Variants in KCNH5 observed in about 807,000 individuals in gnomAD.
The protein encoded by KCNH5 is potassium voltage-gated channel subfamily H member 5.
KCNH5 carries 46 observed loss-of-function variants against 96.1 expected under a neutral mutation model. The observed-to-expected ratio is 0.48, with a 90% CI of 0.38 to 0.61. The LOEUF is 0.61. Among genes scored for constraint, KCNH5 ranks in the 20% least tolerant of loss-of-function variants. The probability of loss-of-function intolerance (pLI) is 0.00; values close to 1 mark genes in which losing one functional copy is unlikely to be tolerated. For synonymous variants in KCNH5, 439 were observed against 449.8 expected, an observed-to-expected ratio of 0.98 and a Z score of 0.30; for missense variants, 907 against 1,225.8, an observed-to-expected ratio of 0.74 and a Z score of 3.88.
At chr14:62,896,607 A>G (rs1888818605) in intron 7 of KCNH5, among the ~76,000 whole-genome samples, 1 of 152,222 alleles carries the variant, frequency 6.6e-6, no homozygotes, top group Non-Finnish European at 1.5e-5. Context: ...TTGTCCATCC[A>G]GCAACAGAAT....
At chr14:62,922,079 T>C (rs1167354178) in intron 7 of KCNH5, among the ~76,000 whole-genome samples, 1 of 152,122 alleles carries the variant, frequency 6.6e-6, no homozygotes, top group Non-Finnish European at 1.5e-5. Flanking sequence ...ATAATGCAAA[T>C]GATATACATT....
At position 62,704,265 on chromosome 14, in the gene KCNH5, C is replaced by A. The variant is rs1029275425; in HGVS notation, c.*3243G>T. 6.6e-6 allele frequency: 1 copy of A among 151,816 alleles called. No individual in the cohort carries two copies. Among genetic ancestry groups the A allele is most frequent in the Non-Finnish European group, 1.5e-5 (1 of 67,782 alleles). 9.4% of individuals were successfully genotyped at this position (151,816 alleles called of 1,614,324 possible). ...GACATTTTTAGTCCTATACTTAATG[C>A]AAGATGCAACTAGTGTCATAAAAAT... is the stretch of plus-strand genomic sequence containing the variant. On this transcript the variant is annotated 3_prime_UTR_variant, in exon 11 of 11. Coordinates refer to ENST00000322893, the MANE Select transcript of KCNH5 (RefSeq NM_139318.5).
At chr14:62,821,236 A>C (rs1315074117) in intron 8 of KCNH5, among the ~76,000 whole-genome samples, 1 of 152,170 alleles carries the variant, frequency 6.6e-6, no homozygotes, top group East Asian at 1.9e-4. Context: ...TAACAGGTAC[A>C]TGATAATGAT....
chr14:62,977,546 C>T (rs890328955), intron 6 of KCNH5, among the ~76,000 whole-genome samples: 1 of 151,904 alleles, frequency 6.6e-6, no homozygotes, highest in Non-Finnish European at 1.5e-5. Flanking sequence ...AATTGACAAA[C>T]CAAGAGGTAG....
chr14:62,726,688 CTT>C (rs1473683612), intron 10 of KCNH5, among the ~76,000 whole-genome samples: 1 of 152,024 alleles, frequency 6.6e-6, no homozygotes, highest in Non-Finnish European at 1.5e-5. Flanking sequence ...TGGAAAACTG[CTT>C]GATGAGTATC....
intron 7 of KCNH5, among the ~76,000 whole-genome samples, chr14:62,927,176 A>T (rs769129245): frequency 5.3e-5 from 8 of 152,150 alleles, no homozygotes; most frequent in Non-Finnish European, 1.2e-4. Context: ...AGGGAAATGC[A>T]AATCAAAACT....
intron 10 of KCNH5, among the ~76,000 whole-genome samples, chr14:62,742,650 A>C (rs533532072): frequency 6.6e-6 from 1 of 152,320 alleles, no homozygotes; most frequent in Admixed American, 6.5e-5. Flanking sequence ...CATCATATAC[A>C]TTTATTTACA....
chr14:63,030,922 G>A (rs1401885300), intron 1 of KCNH5, among the ~76,000 whole-genome samples: 1 of 152,166 alleles, frequency 6.6e-6, no homozygotes, highest in East Asian at 1.9e-4. Flanking sequence ...GCTACTCAAA[G>A]TATGGGCCAG....
chr14:62,804,837 C>G (rs552573097), intron 8 of KCNH5, among the ~76,000 whole-genome samples: 25 of 152,136 alleles, frequency 1.6e-4, no homozygotes, highest in Non-Finnish European at 2.4e-4. Flanking sequence ...GAAATACTAG[C>G]TCTTATCATC....
At chr14:62,853,786 A>G (rs1289947222) in intron 7 of KCNH5, among the ~76,000 whole-genome samples, 1 of 151,670 alleles carries the variant, frequency 6.6e-6, no homozygotes, top group East Asian at 1.9e-4. Context: ...AAGGCAGGCG[A>G]TCACAAGGTC....
In KCNH5 at chr14:62,757,686, C is replaced by T. The variant is rs146046957; in HGVS notation, c.2019+22042G>A. On this transcript the variant is annotated intron_variant, in intron 10 of 10. Transcript: ENST00000322893. ...GATAGAAGAGGAACTCATTATGTTA[C>T]GTGAAATAAGCCAGTCATAGAAAGA... is the stretch of plus-strand genomic sequence containing the variant. 7.5e-3 allele frequency among the ~76,000 whole-genome samples: 1,135 copies of T among 150,664 alleles called. 15 individuals are homozygous for T. Among genetic ancestry groups the T allele is most frequent in the African/African-American group, 0.026 (1,049 of 41,076 alleles).
intron 8 of KCNH5, among the ~76,000 whole-genome samples, chr14:62,823,506 T>C (rs1416191670): frequency 6.6e-6 from 1 of 151,984 alleles, no homozygotes; most frequent in Non-Finnish European, 1.5e-5. Flanking sequence ...ACAGTCTCTG[T>C]TAGCAGCAGT....
intron 8 of KCNH5, among the ~76,000 whole-genome samples, chr14:62,832,237 C>G (rs1468269660): frequency 6.6e-6 from 1 of 152,144 alleles, no homozygotes; most frequent in East Asian, 1.9e-4. Context: ...CAGCAGTTCT[C>G]TAGAACTTAA....
rs1452249392 is a variant in KCNH5, at chr14:63,001,401, C to A, written c.363G>T (p.Val121=). Reference sequence around the variant, plus strand: ...CCTTGAAAGTACACAGGAACAAGACCACCTTTTCATGTTCATTTCTTATTG... The same window carrying A: ...CCTTGAAAGTACACAGGAACAAGACAACCTTTTCATGTTCATTTCTTATTG... ...IAPIRNEHEK[V]VLFLCTFKDI... Residue 121 remains valine, a synonymous_variant, in exon 4 of 11, where the codon GTG becomes GTT. Coordinates refer to ENST00000322893, the MANE Select transcript of KCNH5 (RefSeq NM_139318.5). 10 of 1,611,932 alleles carry A rather than the reference C, an allele frequency of 6.2e-6. No homozygotes were observed. The highest frequency in any genetic ancestry group is 8.5e-6 in the Non-Finnish European group (10 of 1,178,830).
intron 7 of KCNH5, among the ~76,000 whole-genome samples, chr14:62,904,322 T>G (rs917204061): frequency 1.3e-5 from 2 of 152,230 alleles, no homozygotes; most frequent in Admixed American, 6.5e-5. Flanking sequence ...CCACGCTAAA[T>G]TCAGCCATAC....
chr14:62,817,810 G>A (rs1473855059), intron 8 of KCNH5, among the ~76,000 whole-genome samples: 3 of 138,520 alleles, frequency 2.2e-5, no homozygotes, highest in Non-Finnish European at 3.1e-5. Context: ...TATATTCTAG[G>A]AATATATTAT....
intron 8 of KCNH5, among the ~76,000 whole-genome samples, chr14:62,846,838 C>CCCG (rs1566680203): frequency 7.8e-6 from 1 of 128,074 alleles, no homozygotes; most frequent in Non-Finnish European, 1.6e-5. Context: ...TCTGGCTCTG[C>CCCG]GGCCCAGGCT....
chr14:62,875,978 C>G (rs959498176), intron 7 of KCNH5, among the ~76,000 whole-genome samples: 2 of 152,110 alleles, frequency 1.3e-5, no homozygotes, highest in Admixed American at 1.3e-4. Flanking sequence ...AACAGCCTGG[C>G]CAAGATAGTG....
chr14:62,929,318 G>A (rs547244692), intron 7 of KCNH5, among the ~76,000 whole-genome samples: 23 of 152,038 alleles, frequency 1.5e-4, no homozygotes, highest in African/African-American at 4.8e-4. Context: ...AACCAACATC[G>A]TCTTTCACTA....
Sources: gnomAD v4.1 joint callset for allele counts (sites outside exome capture counted in the v4.1 genomes callset) on GRCh38, gnomAD v4.1.1 for gene constraint, MANE v1.5 for transcripts, NCBI Gene and HGNC (gene_info 2026-07-23, HGNC 2026-07-21) for gene names.